The following ZNF568 variants were observed in gnomAD, a reference collection of about 807,000 sequenced individuals.
ZNF568 encodes the protein p53 inhibitor of SCO2 activation.
A neutral mutation model predicts 18.1 loss-of-function variants in ZNF568; 11 were observed. That is an observed-to-expected ratio of 0.61 (90% CI 0.38 to 1.00). The LOEUF (loss-of-function observed/expected upper bound fraction) is 1.00. Among genes scored for constraint, ZNF568 ranks in the 50% least tolerant of loss-of-function variants. The pLI is 0.01. For missense variants in ZNF568, 639 were observed against 768.2 expected, an observed-to-expected ratio of 0.83 and a Z score of 1.99; for synonymous variants, 213 against 246.6, an observed-to-expected ratio of 0.86 and a Z score of 1.28.
chr19:36,997,394 G>A (rs1461449900), downstream of ZNF568: 2 of 1,590,444 alleles, frequency 1.3e-6, no homozygotes, highest in Non-Finnish European at 1.7e-6. Flanking sequence ...TGTAAGGAAT[G>A]TGAAAAGGCC....
chr19:36,971,949 C>T (rs1265517199), intron 6 of ZNF568, among the ~76,000 whole-genome samples: 3 of 149,566 alleles, frequency 2.0e-5, no homozygotes, highest in South Asian at 2.1e-4. Context: ...AAGGTATTCT[C>T]TTAGCCTCCT....
chr19:36,942,202 G>A (rs1002329861), intron 6 of ZNF568, among the ~76,000 whole-genome samples: 2 of 151,752 alleles, frequency 1.3e-5, no homozygotes, highest in African/African-American at 4.8e-5. Flanking sequence ...GGCTAGTCTC[G>A]AACTCCTGAC....
At position 36,936,733 on chromosome 19, in the gene ZNF568, T is replaced by C; in HGVS notation, c.136-13T>C. On this transcript the variant is annotated splice_polypyrimidine_tract_variant and intron_variant, in intron 4 of 6. Coordinates refer to ENST00000333987, the MANE Select transcript of ZNF568 (RefSeq NM_198539.4). Reference sequence around the variant, plus strand: ...TTGATGACTTCAAATTAATTAGCATTATGTTTTTACAGGAAACAGTGACAT... The same window carrying C: ...TTGATGACTTCAAATTAATTAGCATCATGTTTTTACAGGAAACAGTGACAT... 6.2e-7 allele frequency: 1 copy of C among 1,609,116 alleles called. No homozygotes were observed. Among genetic ancestry groups the C allele is most frequent in the South Asian group, 1.1e-5 (1 of 90,652 alleles).
chr19:36,936,654 C>A, intron 4 of ZNF568, 92 bp from the exon 5 acceptor site: 1 of 1,274,166 alleles, frequency 7.8e-7, no homozygotes, highest in Non-Finnish European at 1.1e-6. Context: ...CTACCTCTGA[C>A]CCCTGAGTAC....
intron 6 of ZNF568, among the ~76,000 whole-genome samples, chr19:36,940,720 G>C (rs2073865860): frequency 6.6e-6 from 1 of 152,146 alleles, no homozygotes; most frequent in African/African-American, 2.4e-5. Flanking sequence ...CACCTAGAAA[G>C]TTTTAAGAGA....
At chr19:36,989,995 TGA>T (rs1332469784) in intron 2 of ZNF568, among the ~76,000 whole-genome samples, 1 of 152,072 alleles carries the variant, frequency 6.6e-6, no homozygotes, top group Non-Finnish European at 1.5e-5. Flanking sequence ...ATTGCAAACT[TGA>T]GTTTTCTAAT....
At chr19:36,956,831 C>T (rs549493447), downstream of ZNF568, among the ~76,000 whole-genome samples, 1 of 152,036 alleles carries the variant, frequency 6.6e-6, no homozygotes, top group Non-Finnish European at 1.5e-5. Flanking sequence ...CTCCTGGCCT[C>T]AAGTGATCTG....
chr19:36,951,073 A>C lies in ZNF568; in HGVS notation c.1920A>C (p.Arg640Ser). Residue 640 changes from arginine to serine, a missense_variant, in exon 7 of 7, where the codon AGA (arginine) becomes AGC (serine). By Grantham distance (110) the Arg-to-Ser change is moderately radical (BLOSUM62 -1). Coordinates refer to ENST00000333987, the MANE Select transcript of ZNF568 (RefSeq NM_198539.4). ...ATAAGAGAGGTCATACAGGTGAGAG[A>C]CACCAAGTATATTAAATGAAAGAAG... ...SIHKRGHTGE[R>S]HQVY 1.3e-6 allele frequency: 2 copies of C among 1,539,974 alleles called. No individual in the cohort carries two copies. Among genetic ancestry groups the C allele is most frequent in the South Asian group, 2.6e-5 (2 of 77,916 alleles).
intron 6 of ZNF568, among the ~76,000 whole-genome samples, chr19:36,943,660 C>T (rs913206458): frequency 1.5e-4 from 23 of 152,002 alleles, no homozygotes; most frequent in Non-Finnish European, 2.6e-4. Context: ...CTGCAACATC[C>T]GCCTCCCGGG....
chr19:36,968,282 A>G (rs564741031), intron 6 of ZNF568, among the ~76,000 whole-genome samples: 15 of 152,232 alleles, frequency 9.9e-5, no homozygotes, highest in African/African-American at 3.6e-4. Context: ...CTTATATTAA[A>G]TATGCATATG....
intron 6 of ZNF568, among the ~76,000 whole-genome samples, chr19:36,940,885 CTGTT>C (rs1163971317): frequency 1.3e-5 from 2 of 152,040 alleles, no homozygotes; most frequent in Non-Finnish European, 2.9e-5. Context: ...ATTAGCGTGT[CTGTT>C]TGGGGGGTAA....
At chr19:36,993,513 A>G (rs890149847) in intron 4 of ZNF568, among the ~76,000 whole-genome samples, 1 of 152,084 alleles carries the variant, frequency 6.6e-6, no homozygotes, top group African/African-American at 2.4e-5. Flanking sequence ...TGGGTAAGTG[A>G]GGCCATTTGC....
chr19:36,985,834 A>C (rs1221635245), intron 2 of ZNF568, among the ~76,000 whole-genome samples: 1 of 151,978 alleles, frequency 6.6e-6, no homozygotes, highest in African/African-American at 2.4e-5. Context: ...TTTTTTTTTA[A>C]ATTTGATTTT....
rs140957609 is a variant in ZNF568, at chr19:36,977,407, T to TTTTTG, written c.406-1577_406-1573dup. Among the ~76,000 whole-genome samples, 20 of 151,248 alleles carry TTTTTG rather than the reference T, an allele frequency of 1.3e-4. No individual in the cohort carries two copies. In the East Asian group the frequency reaches 1.9e-3, roughly 15 times the overall value. ...TTTGTAGGATGTGAAATTTAAGGTT[T>TTTTTG]TTTTGTTTTGTTTTGTTTTGTTTTT... On this transcript the variant is annotated intron_variant, in intron 7 of 7. Transcript: ENST00000427117.
intron 6 of ZNF568, among the ~76,000 whole-genome samples, chr19:36,948,658 A>AGTTTTTGTTTTTTTTTTTTTTTTTTTTTT (rs2074004444): frequency 1.2e-5 from 1 of 83,576 alleles, no homozygotes; most frequent in Non-Finnish European, 2.2e-5. Context: ...TTTGTTGTTG[A>AGTTTTTGTTTTTTTTTTTTTTTTTTTTTT]TTTTTTTTTT....
In ZNF568 at chr19:36,925,212, A is replaced by G. The variant is rs747452368; in HGVS notation, c.89A>G (p.Gln30Arg). 16 of 1,614,022 alleles carry G rather than the reference A, an allele frequency of 9.9e-6. No individual in the cohort carries two copies. Among genetic ancestry groups the G allele is most frequent in the Non-Finnish European group, 1.4e-5 (16 of 1,179,928 alleles). ...HMMERKAWCS[Q>R]ESALSEEEED... Reference sequence around the variant, plus strand: ...TCTCTTCCCTCAGCTTGGTGTTCTCAAGAGTCTGCCCTTTCCGAGGAAGAA... The same window carrying G: ...TCTCTTCCCTCAGCTTGGTGTTCTCGAGAGTCTGCCCTTTCCGAGGAAGAA... Residue 30 changes from glutamine to arginine, a missense_variant, in exon 4 of 7, where the codon CAA (glutamine) becomes CGA (arginine). Coordinates refer to ENST00000333987, the MANE Select transcript of ZNF568 (RefSeq NM_198539.4).
Position 36,917,606 on chromosome 19 carries a change from T to G in ZNF568, c.-228T>G, listed in dbSNP as rs1298877171. 6.6e-6 allele frequency: 1 copy of G among 152,262 alleles called. No individual in the cohort carries two copies. The highest frequency in any genetic ancestry group is 2.4e-5 in the African/African-American group (1 of 41,474). The allele number at this position is 152,262 out of a possible 1,614,324, so 9.4% of individuals were successfully genotyped here. On this transcript the variant is annotated 5_prime_UTR_variant, in exon 2 of 7. Transcript: ENST00000333987. ...CTGTGTCTTGTAAAGAGCATATTGCTGGGCTTACATCCGTTTATCTTGTTT... is the reference window on the plus strand; with the variant it reads ...CTGTGTCTTGTAAAGAGCATATTGCGGGGCTTACATCCGTTTATCTTGTTT...
At position 36,951,015 on chromosome 19, in the gene ZNF568, A is replaced by G; in HGVS notation, c.1862A>G (p.Lys621Arg). 1 of 1,612,260 alleles carries G rather than the reference A, an allele frequency of 6.2e-7. No homozygotes were observed. The highest frequency in any genetic ancestry group is 8.5e-7 in the Non-Finnish European group (1 of 1,179,272). The change falls in exon 7 of 7, where the codon AAA (lysine) becomes AGA (arginine). Residue 621 changes from lysine to arginine, a missense_variant. Lys to Arg is a conservative substitution (Grantham distance 26). Coordinates refer to ENST00000333987, the MANE Select transcript of ZNF568 (RefSeq NM_198539.4). ...EKPFECNECG[K>R]AFSQRASLSI... is the part of the protein sequence containing the mutation. ...CCCTTTGAATGTAATGAATGTGGGAAAGCATTCTCTCAAAGAGCATCCCTT... is the reference window on the plus strand; with the variant it reads ...CCCTTTGAATGTAATGAATGTGGGAGAGCATTCTCTCAAAGAGCATCCCTT...
intron 2 of ZNF568, among the ~76,000 whole-genome samples, chr19:36,922,116 C>T (rs545731299): frequency 6.6e-6 from 1 of 152,256 alleles, no homozygotes; most frequent in East Asian, 1.9e-4. Context: ...AACATTATCT[C>T]ACAATTTCTG....
Sources: allele counts gnomAD v4.1 joint callset (sites outside exome capture counted in the v4.1 genomes callset), GRCh38; gene constraint gnomAD v4.1.1; transcripts MANE v1.5; gene names NCBI Gene and HGNC (gene_info 2026-07-23, HGNC 2026-07-21).